FAM83F: variants seen among roughly 807,000 people sequenced by gnomAD.
The protein encoded by FAM83F is scaffolding CK1 anchoring protein F.
A neutral mutation model predicts 42.9 loss-of-function variants in FAM83F; 45 were observed. That is an observed-to-expected ratio of 1.05 (90% CI 0.83 to 1.35). The LOEUF is 1.35. Ranked by LOEUF, FAM83F falls within the 40% of genes most tolerant of loss-of-function variation. The probability of loss-of-function intolerance (pLI) is 0.00; values close to 1 mark genes in which losing one functional copy is unlikely to be tolerated. For missense variants in FAM83F, 617 were observed against 695.9 expected (o/e 0.89, Z 1.28); for synonymous variants, 306 against 298.3 (o/e 1.03, Z -0.27).
rs2067533497 is a variant in FAM83F, at chr22:40,023,415, C to A, written c.1453+1452C>A. ...GGAGGAAGGGTTGCCATGGTGAACA[C>A]CTGGCAAGGGAGCGAGGGGAAGAGG... is the stretch of plus-strand genomic sequence containing the variant. On this transcript the variant is annotated intron_variant, in intron 4 of 4. Coordinates refer to ENST00000333407, the MANE Select transcript of FAM83F (RefSeq NM_138435.4). The surrounding 1 kb of genome is among the most constrained non-coding windows in gnomAD (Gnocchi z 4.1). 6.6e-6 allele frequency among the ~76,000 whole-genome samples: 1 copy of A among 152,050 alleles called. No homozygotes were observed. The highest frequency in any genetic ancestry group is 2.1e-4 in the South Asian group (1 of 4,826).
At chr22:40,028,956 T>G (rs2145724323) in intron 4 of FAM83F, among the ~76,000 whole-genome samples, 1 of 152,268 alleles carries the variant, frequency 6.6e-6, no homozygotes, top group East Asian at 1.9e-4. Context: ...CTCTGGGAGC[T>G]GTGGGCACCT....
chr22:40,025,351 C>T (rs2067545811), intron 4 of FAM83F, among the ~76,000 whole-genome samples: 1 of 151,708 alleles, frequency 6.6e-6, no homozygotes, highest in Non-Finnish European at 1.5e-5. Context: ...CCTGGGAAGT[C>T]GAGGCTGCAG....
intron 4 of FAM83F, among the ~76,000 whole-genome samples, chr22:40,026,381 A>G (rs1054376347): frequency 6.6e-6 from 1 of 152,068 alleles, no homozygotes; most frequent in Non-Finnish European, 1.5e-5. Context: ...TTAGCCAGGC[A>G]TGGTGGCACT....
chr22:40,010,501 C>CG (rs1423434448), intron 1 of FAM83F, among the ~76,000 whole-genome samples: 1 of 152,200 alleles, frequency 6.6e-6, no homozygotes, highest in African/African-American at 2.4e-5. Context: ...GGCTGGCTCG[C>CG]ATCAGGGCGT....
At position 39,995,011 on chromosome 22, in the gene FAM83F, G is replaced by GGGGCCA. The variant is rs1006990420; in HGVS notation, c.-26_-21dup. 5 of 1,237,744 alleles carry GGGGCCA rather than the reference G, an allele frequency of 4.0e-6. No homozygotes were observed. The highest frequency in any genetic ancestry group is 4.0e-6 in the Non-Finnish European group (4 of 991,682). 76.7% of individuals were successfully genotyped at this position (1,237,744 alleles called of 1,614,324 possible). On this transcript the variant is annotated 5_prime_UTR_variant, in exon 1 of 5. Coordinates refer to ENST00000333407, the MANE Select transcript of FAM83F (RefSeq NM_138435.4). The surrounding 1 kb of genome is among the most constrained non-coding windows in gnomAD (Gnocchi z 4.6). ...TGGGACCTCGGACCGCGGCGGGGCC[G>GGGGCCA]GGGCCAGGGCCGGGGCCGGGGCCGG...
intron 1 of FAM83F, among the ~76,000 whole-genome samples, chr22:40,000,273 G>T (rs2067392726): frequency 6.6e-6 from 1 of 152,166 alleles, no homozygotes; most frequent in Non-Finnish European, 1.5e-5. Flanking sequence ...AGGTGCATCA[G>T]GGGATTTAGG....
At chr22:40,011,044 C>T (rs181610640) in intron 1 of FAM83F, among the ~76,000 whole-genome samples, 1 of 152,314 alleles carries the variant, frequency 6.6e-6, no homozygotes, top group Admixed American at 6.5e-5. Flanking sequence ...ACCAGAGAGC[C>T]TTGAAAGGCC....
At chr22:40,013,082 C>CAAAA (rs754625979) in intron 1 of FAM83F, among the ~76,000 whole-genome samples, 3,167 of 46,412 alleles carry the variant, frequency 0.068, 634 homozygotes, top group African/African-American at 0.25. Flanking sequence ...GACTCCGTTT[C>CAAAA]AAAAAAAAAA....
chr22:40,027,280 G>C (rs746143821), intron 4 of FAM83F, among the ~76,000 whole-genome samples: 1 of 152,130 alleles, frequency 6.6e-6, no homozygotes, highest in Non-Finnish European at 1.5e-5. Flanking sequence ...CTGTGCATGC[G>C]GTTTGCACAT....
intron 4 of FAM83F, among the ~76,000 whole-genome samples, chr22:40,022,918 G>C (rs1185119378): frequency 6.6e-6 from 1 of 152,226 alleles, no homozygotes; most frequent in East Asian, 1.9e-4. Flanking sequence ...GATGGTGTGA[G>C]AGCAGGGAGC....
chr22:40,017,631 G>A (rs2067499270), intron 1 of FAM83F, among the ~76,000 whole-genome samples: 2 of 152,198 alleles, frequency 1.3e-5, no homozygotes, highest in Admixed American at 6.5e-5. Context: ...AAGAAGCTTG[G>A]GCCGGCTGTG....
At chr22:40,012,629 GC>G (rs1212995075) in intron 1 of FAM83F, among the ~76,000 whole-genome samples, 1 of 149,722 alleles carries the variant, frequency 6.7e-6, no homozygotes, top group African/African-American at 2.5e-5. Context: ...AATTAGCTGG[GC>G]GTGATGGTGT....
In FAM83F at chr22:40,021,912, G is replaced by C; in HGVS notation, c.1402G>C (p.Glu468Gln). The C allele has an allele frequency of 6.3e-7, 1 of 1,587,930 alleles. No individual in the cohort carries two copies. The highest frequency in any genetic ancestry group is 8.6e-7 in the Non-Finnish European group (1 of 1,166,038). Residue 468 changes from glutamate (E) to glutamine (Q), a missense_variant, in exon 4 of 5, where the codon GAG (glutamate) becomes CAG (glutamine). Transcript: ENST00000333407. This position sits in a 1 kb window ranked among gnomAD's most constrained non-coding sequence, Gnocchi z 8.7. ...TGTCTCCACCGAGACCTCTGAAGTG[G>C]AGTTTCTGACGGGGAAGAGGCCCAA... ...SSVSTETSEV[E>Q]FLTGKRPNEN... is the part of the protein sequence containing the mutation.
At chr22:40,002,866 C>T (rs546723229) in intron 1 of FAM83F, among the ~76,000 whole-genome samples, 143 of 152,234 alleles carry the variant, frequency 9.4e-4, no homozygotes, top group African/African-American at 3.2e-3. Flanking sequence ...TGTGCCATTT[C>T]GTTTCGTTAA....
At position 40,021,227 on chromosome 22, in the gene FAM83F, G is replaced by A. The variant is rs548940923; in HGVS notation, c.780-63G>A. 2.9e-4 allele frequency: 417 copies of A among 1,450,900 alleles called. No homozygotes were observed. The highest frequency in any genetic ancestry group is 3.5e-4 in the Non-Finnish European group (380 of 1,096,880). 89.9% of individuals were successfully genotyped at this position (1,450,900 alleles called of 1,614,324 possible). On this transcript the variant is annotated intron_variant, in intron 3 of 4. Transcript: ENST00000333407. This position sits in a 1 kb window ranked among gnomAD's most constrained non-coding sequence, Gnocchi z 8.7. ...CCACAGCGGAGGGGCAGGTGGGGGC[G>A]GGGGCAGGGCAAGAGAGAGGCCTGG...
chr22:40,002,528 T>C (rs1442314160), intron 1 of FAM83F, among the ~76,000 whole-genome samples: 1 of 152,126 alleles, frequency 6.6e-6, no homozygotes, highest in Admixed American at 6.5e-5. Flanking sequence ...GCCAGTTCTG[T>C]TGGGTGGAGG....
rs2067656840 is a variant in FAM83F, at chr22:40,042,624, A to G, written c.*13059A>G. 1 of 152,204 alleles carries G rather than the reference A, an allele frequency of 6.6e-6. No homozygotes were observed. The highest frequency in any genetic ancestry group is 1.5e-5 in the Non-Finnish European group (1 of 68,044). The allele number at this position is 152,204 out of a possible 1,614,324, so 9.4% of individuals were successfully genotyped here. ...GACTGAGGTCCTTGAAGGAAGAGAG[A>G]GTGTATCACTCATCTGCATAGCCTT... On this transcript the variant is annotated 3_prime_UTR_variant, in exon 5 of 5. Transcript: ENST00000333407.
At chr22:40,002,006 C>T (rs1265892994) in intron 1 of FAM83F, among the ~76,000 whole-genome samples, 1 of 152,174 alleles carries the variant, frequency 6.6e-6, no homozygotes, top group South Asian at 2.1e-4. Context: ...GGTGGTGGGC[C>T]GTGGTTGGTA....
chr22:40,013,442 T>C (rs1209576361), intron 1 of FAM83F, among the ~76,000 whole-genome samples: 1 of 152,198 alleles, frequency 6.6e-6, no homozygotes, highest in Non-Finnish European at 1.5e-5. Context: ...TATACATGTA[T>C]ATATGTGTTT....
Sources: allele counts gnomAD v4.1 joint callset (sites outside exome capture counted in the v4.1 genomes callset), GRCh38; gene constraint gnomAD v4.1.1; non-coding constraint Gnocchi (gnomAD v3.1); transcripts MANE v1.5; gene names NCBI Gene and HGNC (gene_info 2026-07-23, HGNC 2026-07-21).